Variants in ZMIZ1 observed in about 807,000 individuals in gnomAD.
ZMIZ1 encodes zinc finger MIZ-type containing 1.
In ZMIZ1, 17 loss-of-function variants were observed where a neutral mutation model predicts 113.9. The observed-to-expected ratio is 0.15, with a 90% CI of 0.10 to 0.22. ZMIZ1 has a LOEUF of 0.22. ZMIZ1 is among the 10% of genes least tolerant of loss of function. The pLI is 1.00. For synonymous variants in ZMIZ1, 607 were observed against 603.1 expected, an observed-to-expected ratio of 1.01 and a Z score of -0.09; for missense variants, 1,059 against 1,477.8, an observed-to-expected ratio of 0.72 and a Z score of 4.65.
At chr10:79,268,508 C>G (rs1415435280) in intron 7 of ZMIZ1, among the ~76,000 whole-genome samples, 3 of 152,202 alleles carry the variant, frequency 2.0e-5, no homozygotes, top group East Asian at 1.9e-4. Context: ...CCAGTCGTCT[C>G]AGCATATTGG....
intron 7 of ZMIZ1, among the ~76,000 whole-genome samples, chr10:79,265,836 G>A (rs1189283972): frequency 6.6e-6 from 1 of 152,184 alleles, no homozygotes; most frequent in Non-Finnish European, 1.5e-5. Context: ...TCAGAGTCCT[G>A]CAAGCATCGG....
chr10:79,210,957 C>G (rs1048937777), intron 6 of ZMIZ1, among the ~76,000 whole-genome samples: 2 of 152,126 alleles, frequency 1.3e-5, no homozygotes, highest in Non-Finnish European at 2.9e-5. Flanking sequence ...ATAGACAGTG[C>G]CCACTCTCCT....
At chr10:79,257,124 C>T (rs1850963133) in intron 7 of ZMIZ1, among the ~76,000 whole-genome samples, 2 of 152,216 alleles carry the variant, frequency 1.3e-5, no homozygotes, top group South Asian at 4.1e-4. Context: ...GCACATGCTC[C>T]GTCCTCACCT....
chr10:79,281,078 C>T (rs531039515), intron 8 of ZMIZ1, among the ~76,000 whole-genome samples: 38 of 152,330 alleles, frequency 2.5e-4, no homozygotes, highest in Middle Eastern at 3.4e-3. Flanking sequence ...TGCAGCTCCC[C>T]ACTAGGGACC....
intron 1 of ZMIZ1, among the ~76,000 whole-genome samples, chr10:79,114,391 G>A (rs1027912482): frequency 3.3e-5 from 5 of 152,114 alleles, no homozygotes; most frequent in African/African-American, 1.2e-4. Context: ...TGAGTGAGTC[G>A]GAGAAATCTG....
rs780298793 is a variant in ZMIZ1 at position 79,216,285 on chromosome 10, G to T, written c.280+11G>T. On this transcript the variant is annotated intron_variant, in intron 7 of 24. Transcript: ENST00000334512. ...CCCCGAAGTCTGCCGGTAGGTGTCC[G>T]TGGGGGACTCTGCGATGTCACTGGG... 1.7e-5 allele frequency: 27 copies of T among 1,580,304 alleles called. No homozygotes were observed. Among genetic ancestry groups the T allele is most frequent in the South Asian group, 1.1e-5 (1 of 86,972 alleles).
intron 4 of ZMIZ1, among the ~76,000 whole-genome samples, chr10:79,200,468 C>T (rs927113138): frequency 3.3e-5 from 5 of 152,198 alleles, no homozygotes; most frequent in Non-Finnish European, 5.9e-5. Flanking sequence ...GAGGGAAGTC[C>T]CATTCATGCT....
intron 4 of ZMIZ1, among the ~76,000 whole-genome samples, chr10:79,192,050 A>T (rs1001972705): frequency 6.6e-6 from 1 of 152,234 alleles, no homozygotes; most frequent in Non-Finnish European, 1.5e-5. Flanking sequence ...CCAGAGCTGA[A>T]TCCAACCCTC....
At position 79,162,071 on chromosome 10, in the gene ZMIZ1, A is replaced by G; in HGVS notation, c.-112A>G. The G allele has an allele frequency of 2.5e-6, 1 of 399,218 alleles. No individual in the cohort carries two copies. Among genetic ancestry groups the G allele is most frequent in the Non-Finnish European group, 4.4e-6 (1 of 226,226 alleles). The allele number at this position is 399,218 out of a possible 1,614,324, so 24.7% of individuals were successfully genotyped here. ...ATTGCAGCAGGATGGAGCTGGAGTG[A>G]GGTGGAGGGGCCGCAAGCTGCTGAC... On this transcript the variant is annotated 5_prime_UTR_variant, in exon 4 of 25. An upstream open reading frame in the 5' UTR loses its in-frame stop. Transcript: ENST00000334512.
At chr10:79,283,599 C>T (rs921491984) in intron 8 of ZMIZ1, among the ~76,000 whole-genome samples, 4 of 152,266 alleles carry the variant, frequency 2.6e-5, no homozygotes, top group African/African-American at 2.4e-5. Context: ...TTCACCAAAG[C>T]TCAGTTTATG....
chr10:79,137,442 G>A (rs1845053242), intron 2 of ZMIZ1, among the ~76,000 whole-genome samples: 1 of 152,232 alleles, frequency 6.6e-6, no homozygotes. Flanking sequence ...CAGCCCTGCT[G>A]CTCCTACTCA....
At chr10:79,269,226 C>T (rs1463910173) in intron 7 of ZMIZ1, among the ~76,000 whole-genome samples, 1 of 152,130 alleles carries the variant, frequency 6.6e-6, no homozygotes, top group Non-Finnish European at 1.5e-5. Flanking sequence ...TCTTGTGTGG[C>T]CTTTTGTAAG....
intron 4 of ZMIZ1, among the ~76,000 whole-genome samples, chr10:79,179,068 C>A (rs910008456): frequency 6.6e-6 from 1 of 152,248 alleles, no homozygotes; most frequent in Non-Finnish European, 1.5e-5. Context: ...ATTTCTTAAA[C>A]ATCTGCTATC....
intron 1 of ZMIZ1, among the ~76,000 whole-genome samples, chr10:79,100,440 A>G (rs1356233575): frequency 4.6e-5 from 7 of 151,448 alleles, no homozygotes; most frequent in African/African-American, 7.3e-5. Flanking sequence ...CATCTCTGAA[A>G]AAAAAAAAAA....
At chr10:79,251,469 T>C (rs1258888751) in intron 7 of ZMIZ1, among the ~76,000 whole-genome samples, 1 of 152,136 alleles carries the variant, frequency 6.6e-6, no homozygotes, top group Non-Finnish European at 1.5e-5. Context: ...GCTCCCCAGC[T>C]TTGGGGCCTC....
chr10:79,114,321 G>A (rs1053505011), intron 1 of ZMIZ1, among the ~76,000 whole-genome samples: 17 of 152,328 alleles, frequency 1.1e-4, no homozygotes, highest in Middle Eastern at 3.4e-3. Context: ...CCATTTCGCC[G>A]TCTCCGGTTT....
At chr10:79,141,892 C>T (rs1209311101) in intron 3 of ZMIZ1, among the ~76,000 whole-genome samples, 1 of 152,124 alleles carries the variant, frequency 6.6e-6, no homozygotes, top group African/African-American at 2.4e-5. Context: ...AAGTGTGGAG[C>T]AGAGAGATAG....
At chr10:79,070,435 G>A (rs1172099113) in intron 1 of ZMIZ1, among the ~76,000 whole-genome samples, 1 of 152,032 alleles carries the variant, frequency 6.6e-6, no homozygotes, top group Non-Finnish European at 1.5e-5. Flanking sequence ...CGCCGGAGAA[G>A]GCCGGGAGCC....
At chr10:79,174,899 G>A (rs929695533) in intron 4 of ZMIZ1, among the ~76,000 whole-genome samples, 3 of 152,216 alleles carry the variant, frequency 2.0e-5, no homozygotes, top group Non-Finnish European at 2.9e-5. Context: ...TGCAGAGGAG[G>A]GCGCAGCATC....
Sources: allele counts gnomAD v4.1 joint callset (sites outside exome capture counted in the v4.1 genomes callset), GRCh38; gene constraint gnomAD v4.1.1; transcripts MANE v1.5; gene names NCBI Gene and HGNC (gene_info 2026-07-23, HGNC 2026-07-21).